Variants in PROS1 observed in about 807,000 individuals in gnomAD.
The protein encoded by PROS1 is protein S.
A neutral mutation model predicts 75.9 loss-of-function variants in PROS1; 29 were observed. That is an observed-to-expected ratio of 0.38 (90% CI 0.28 to 0.52). The LOEUF (loss-of-function observed/expected upper bound fraction) is 0.52. PROS1 is among the 20% of genes least tolerant of loss of function. The pLI is 0.83. For missense variants in PROS1, 680 were observed against 810.3 expected, an observed-to-expected ratio of 0.84 and a Z score of 1.95; for synonymous variants, 245 against 280.6, an observed-to-expected ratio of 0.87 and a Z score of 1.27.
rs35328809 is a variant in PROS1, at chr3:93,956,563, AACACACAC to A, written c.76+17103_76+17110del. 6.2e-5 allele frequency among the ~76,000 whole-genome samples: 8 copies of A among 128,380 alleles called. No individual in the cohort carries two copies. The South Asian group carries it at 1.0e-3, about 16-fold the overall frequency. The allele number at this position is 128,380 out of a possible 152,430, so 84.2% of individuals were successfully genotyped here. A position where few individuals can be genotyped will look rare whatever the true frequency, so the allele number is the denominator to read the frequency against. On this transcript the variant is annotated intron_variant, in intron 1 of 14. Coordinates refer to ENST00000394236, the MANE Select transcript of PROS1 (RefSeq NM_000313.4). ...ACACACACACACACACACACACACA[AACACACAC>A]ACACACACACACACACACGTTATCA... is the stretch of plus-strand genomic sequence containing the variant.
chr3:93,945,726 G>A (rs1219943904), intron 1 of PROS1, among the ~76,000 whole-genome samples: 3 of 152,138 alleles, frequency 2.0e-5, no homozygotes, highest in Non-Finnish European at 4.4e-5. Context: ...AAAAATGGAA[G>A]CACTCCCTTT....
chr3:93,902,678 G>A (rs989493454), intron 6 of PROS1, among the ~76,000 whole-genome samples: 28 of 151,502 alleles, frequency 1.8e-4, no homozygotes, highest in African/African-American at 6.5e-4. Context: ...ACTTGAACCC[G>A]GGAAACAGAG....
At chr3:93,912,169 C>A (rs761975368) in intron 3 of PROS1, among the ~76,000 whole-genome samples, 2 of 152,158 alleles carry the variant, frequency 1.3e-5, no homozygotes, top group African/African-American at 4.8e-5. Context: ...CCTTTCCTTG[C>A]CTTTTCCAGC....
intron 1 of PROS1, among the ~76,000 whole-genome samples, chr3:93,940,345 CT>C (rs1401057009): frequency 6.6e-6 from 1 of 152,122 alleles, no homozygotes; most frequent in Non-Finnish European, 1.5e-5. Context: ...CTTTGGGTAA[CT>C]CTTACATTGA....
Position 93,907,066 on chromosome 3 carries a change from C to G in PROS1, c.347-923G>C, listed in dbSNP as rs73145861. ...CTTCCTAGGTGGAAAAGGGTAGGTC[C>G]CCTGTGAAGTCCCACCTTCAGGCTG... On this transcript the variant is annotated intron_variant, in intron 4 of 14. Coordinates refer to ENST00000394236, the MANE Select transcript of PROS1 (RefSeq NM_000313.4). Among the ~76,000 whole-genome samples the G allele has an allele frequency of 6.1e-3, 923 of 152,302 alleles. 8 individuals carry two copies. The highest frequency in any genetic ancestry group is 0.014 in the Middle Eastern group (4 of 294).
intron 1 of PROS1, among the ~76,000 whole-genome samples, chr3:93,952,975 C>T (rs1034309062): frequency 2.6e-5 from 4 of 152,128 alleles, no homozygotes; most frequent in Admixed American, 2.6e-4. Context: ...ACCAGAAAAT[C>T]TAGAAGAAAT....
chr3:93,900,607 A>G (rs1218853896), intron 7 of PROS1, among the ~76,000 whole-genome samples, 197 bp downstream of exon 7: 1 of 152,204 alleles, frequency 6.6e-6, no homozygotes, highest in Non-Finnish European at 1.5e-5. Flanking sequence ...CGTGCCTAAC[A>G]CCAAACTTAA....
chr3:93,891,091 C>T (rs968832499), intron 10 of PROS1, among the ~76,000 whole-genome samples: 11 of 151,978 alleles, frequency 7.2e-5, no homozygotes, highest in African/African-American at 2.2e-4. Flanking sequence ...CAGAGCAAGA[C>T]TCCGTCTCAA....
chr3:93,973,894 A>C lies in PROS1; in HGVS notation c.-145T>G. 5.5e-6 allele frequency: 3 copies of C among 545,704 alleles called. No homozygotes were observed. The highest frequency in any genetic ancestry group is 8.6e-6 in the Non-Finnish European group (3 of 347,230). The allele number at this position is 545,704 out of a possible 1,614,324, so 33.8% of individuals were successfully genotyped here. A position where few individuals can be genotyped will look rare whatever the true frequency, so the allele number is the denominator to read the frequency against. On this transcript the variant is annotated 5_prime_UTR_variant, in exon 1 of 15. Transcript: ENST00000394236. ...CCAGCGACCCAGCGAGCCTCGGCGG[A>C]ACAGCCGGGGGCGGAGGAGACCGCC... is the stretch of plus-strand genomic sequence containing the variant.
chr3:93,884,546 T>C (rs1708318293), intron 12 of PROS1, among the ~76,000 whole-genome samples, 182 bp downstream of exon 12: 2 of 152,242 alleles, frequency 1.3e-5, no homozygotes, highest in Admixed American at 1.3e-4. Flanking sequence ...CAAATGCCTT[T>C]ATATTTTTCC....
chr3:93,972,917 A>G (rs1270189408), intron 1 of PROS1, among the ~76,000 whole-genome samples: 1 of 152,084 alleles, frequency 6.6e-6, no homozygotes, highest in Non-Finnish European at 1.5e-5. Flanking sequence ...AAATTAACTG[A>G]CCACTAAAAT....
At position 93,886,458 on chromosome 3, in the gene PROS1, T is replaced by C; in HGVS notation, c.1201A>G (p.Lys401Glu). ...TTATTTATATCCATCACAGCTTCTT[T>C]AGCTATTTTAATGCTAATACTATGT... ...LEHSISIKIA[K>E]EAVMDINKPG... The change falls in exon 11 of 15, where the codon AAA becomes GAA. Residue 401 changes from lysine (K) to glutamate (E), a missense_variant. Transcript: ENST00000394236. 1.2e-6 allele frequency: 2 copies of C among 1,612,510 alleles called. No individual in the cohort carries two copies. Among genetic ancestry groups the C allele is most frequent in the Non-Finnish European group, 1.7e-6 (2 of 1,178,626 alleles).
intron 1 of PROS1, among the ~76,000 whole-genome samples, chr3:93,972,313 T>A (rs1709892350): frequency 6.6e-6 from 1 of 152,226 alleles, no homozygotes; most frequent in Non-Finnish European, 1.5e-5. Flanking sequence ...TTGTAGCTGT[T>A]TAATGTAAGA....
At chr3:93,916,958 C>A (rs1367559962) in intron 3 of PROS1, among the ~76,000 whole-genome samples, 1 of 152,194 alleles carries the variant, frequency 6.6e-6, no homozygotes, top group Non-Finnish European at 1.5e-5. Flanking sequence ...AAAGGTTGTA[C>A]TGGAATTATA....
chr3:93,944,824 G>C (rs1709352916), intron 1 of PROS1, among the ~76,000 whole-genome samples: 1 of 151,992 alleles, frequency 6.6e-6, no homozygotes, highest in Non-Finnish European at 1.5e-5. Flanking sequence ...AACTGAAGGA[G>C]ATAGAGACAC....
At chr3:93,915,731 G>T (rs1177097935) in intron 3 of PROS1, among the ~76,000 whole-genome samples, 1 of 151,960 alleles carries the variant, frequency 6.6e-6, no homozygotes, top group Non-Finnish European at 1.5e-5. Flanking sequence ...ATCTAATCAT[G>T]ACACTTAAGT....
intron 6 of PROS1, among the ~76,000 whole-genome samples, chr3:93,901,582 C>T (rs761675031): frequency 3.6e-4 from 55 of 152,006 alleles, no homozygotes; most frequent in Non-Finnish European, 5.0e-4. Context: ...TCAATGGAGA[C>T]GGAATTATTA....
intron 1 of PROS1, among the ~76,000 whole-genome samples, chr3:93,945,348 A>G (rs994066369): frequency 1.3e-5 from 2 of 152,170 alleles, no homozygotes; most frequent in African/African-American, 4.8e-5. Flanking sequence ...GCAGAGACAC[A>G]ACAACAAAAA....
At chr3:93,962,903 T>C (rs1709727695) in intron 1 of PROS1, among the ~76,000 whole-genome samples, 1 of 152,232 alleles carries the variant, frequency 6.6e-6, no homozygotes, top group Admixed American at 6.5e-5. Flanking sequence ...TTTTAAGGTT[T>C]TCTACTATGA....
Sources: gnomAD v4.1 joint callset for allele counts (sites outside exome capture counted in the v4.1 genomes callset) on GRCh38, gnomAD v4.1.1 for gene constraint, MANE v1.5 for transcripts, NCBI Gene and HGNC (gene_info 2026-07-23, HGNC 2026-07-21) for gene names.